PDX1: variants seen among roughly 807,000 people sequenced by gnomAD.
PDX1 encodes the protein pancreatic and duodenal homeobox 1.
A neutral mutation model predicts 11.1 loss-of-function variants in PDX1; 7 were observed. That is an observed-to-expected ratio of 0.63 (90% CI 0.36 to 1.19). The LOEUF is 1.19. Ranked by LOEUF, PDX1 falls within the 50% of genes most tolerant of loss-of-function variation. PDX1 has a pLI of 0.02. For synonymous variants in PDX1, 232 were observed against 196.2 expected, an observed-to-expected ratio of 1.18 and a Z score of -1.53; for missense variants, 449 against 412.1, an observed-to-expected ratio of 1.09 and a Z score of -0.78.
rs1425011726 is a variant in PDX1 at position 27,920,308 on chromosome 13, T to A, written c.170T>A (p.Leu57Gln). 1.4e-5 allele frequency: 22 copies of A among 1,539,048 alleles called. No individual in the cohort carries two copies. The highest frequency in any genetic ancestry group is 1.9e-5 in the Non-Finnish European group (22 of 1,142,298). ...CCGTTCCCTGGCGCCCTGGGCGCGC[T>A]GGAGCAGGGCAGCCCCCCGGACATC... ...PHPFPGALGALEQGSPPDISP... is the reference protein window; with the variant it reads ...PHPFPGALGAQEQGSPPDISP... Residue 57 changes from leucine to glutamine, a missense_variant, in exon 1 of 2, where the codon CTG becomes CAG. This residue lies in a region of PDX1 where 263 missense variants were observed against 212.5 expected (regional missense o/e 1.24). Coordinates refer to ENST00000381033, the MANE Select transcript of PDX1 (RefSeq NM_000209.4).
chr13:27,922,692 C>T (rs1026546753), intron 1 of PDX1, among the ~76,000 whole-genome samples: 3 of 152,158 alleles, frequency 2.0e-5, no homozygotes, highest in African/African-American at 7.2e-5. Context: ...AGCACAGGTC[C>T]CCCGGGAATA....
At chr13:27,921,740 C>G (rs2137503956) in intron 1 of PDX1, among the ~76,000 whole-genome samples, 1 of 152,306 alleles carries the variant, frequency 6.6e-6, no homozygotes, top group East Asian at 1.9e-4. Context: ...CCACGGGACT[C>G]TCTTCTTCCT....
chr13:27,920,208 C>CCGGCGCCGGAGTT lies in PDX1; in HGVS notation c.72_84dup (p.Ser29GlyfsTer200). 1 of 1,549,438 alleles carries CCGGCGCCGGAGTT rather than the reference C, an allele frequency of 6.5e-7. No homozygotes were observed. The highest frequency in any genetic ancestry group is 8.7e-7 in the Non-Finnish European group (1 of 1,146,502). ...GGACCCATGCGCGTTCCAGCGAGGCCCGGCGCCGGAGTTCAGCGCCAGCCC... is the reference window on the plus strand; with the variant it reads ...GGACCCATGCGCGTTCCAGCGAGGCCCGGCGCCGGAGTTCGGCGCCGGAGTTCAGCGCCAGCCC... On this transcript the variant is annotated frameshift_variant, in exon 1 of 2. Transcript: ENST00000381033. LOFTEE classifies it high-confidence loss of function.
In PDX1 at chr13:27,925,591, CTCT is replaced by C. The variant is rs932839795; in HGVS notation, c.*892_*894del. On this transcript the variant is annotated 3_prime_UTR_variant, in exon 2 of 2. Transcript: ENST00000381033. ...CTTCTTCTCCCTCCTCTTCCTCCTC[CTCT>C]TTCTTCCTGACCTCTTTCTTTCTCC... 1 of 198,444 alleles carries C rather than the reference CTCT, an allele frequency of 5.0e-6. No individual in the cohort carries two copies. The highest frequency in any genetic ancestry group is 2.4e-5 in the African/African-American group (1 of 41,990). 12.3% of individuals were successfully genotyped at this position (198,444 alleles called of 1,614,324 possible).
At chr13:27,922,320 G>T (rs1041901627) in intron 1 of PDX1, among the ~76,000 whole-genome samples, 4 of 152,112 alleles carry the variant, frequency 2.6e-5, no homozygotes, top group Admixed American at 1.3e-4. Flanking sequence ...CCTCTAACCC[G>T]CTGCATGCTC....
intron 1 of PDX1, among the ~76,000 whole-genome samples, chr13:27,921,423 C>G (rs372471555): frequency 6.6e-6 from 1 of 152,240 alleles, no homozygotes; most frequent in East Asian, 1.9e-4. Flanking sequence ...GGGTAGCCCC[C>G]GGGTCCTTTG....
Position 27,924,694 on chromosome 13 carries a change from C to A in PDX1, c.845C>A (p.Pro282Gln). 6.8e-7 allele frequency: 1 copy of A among 1,472,720 alleles called. No homozygotes were observed. Among genetic ancestry groups the A allele is most frequent in the South Asian group, 1.3e-5 (1 of 75,930 alleles). 91.2% of individuals were successfully genotyped at this position (1,472,720 alleles called of 1,614,324 possible). The change falls in exon 2 of 2, where the codon CCA becomes CAA. Residue 282 changes from proline (P) to glutamine (Q), a missense_variant. Physicochemically the swap from Pro to Gln is moderately conservative, Grantham distance 76. Coordinates refer to ENST00000381033, the MANE Select transcript of PDX1 (RefSeq NM_000209.4). The surrounding 1 kb of genome is among the most constrained non-coding windows in gnomAD (Gnocchi z 4.8). ...GTCGCGCCTCGGCGGCCGCAGGAAC[C>A]ACGATGAGAGGCAGGAGCTGCTCCT... ...SSVAPRRPQEPR is the reference protein window; with the variant it reads ...SSVAPRRPQEQR
Position 27,924,176 on chromosome 13 carries a change from C to G in PDX1, c.407-80C>G, listed in dbSNP as rs1288750968. ...CTGGTAGGGCTAGGGCTCCCTGGCC[C>G]CCCTTGAAGGGGTTGGGCTGCGTGG... On this transcript the variant is annotated intron_variant, in intron 1 of 1. Coordinates refer to ENST00000381033, the MANE Select transcript of PDX1 (RefSeq NM_000209.4). This position sits in a 1 kb window ranked among gnomAD's most constrained non-coding sequence, Gnocchi z 4.8. The G allele has an allele frequency of 1.6e-6, 2 of 1,265,840 alleles. No homozygotes were observed. The highest frequency in any genetic ancestry group is 5.3e-5 in the Admixed American group (2 of 37,522). The allele number at this position is 1,265,840 out of a possible 1,614,324, so 78.4% of individuals were successfully genotyped here. A position where few individuals can be genotyped will look rare whatever the true frequency, so the allele number is the denominator to read the frequency against.
rs766799672 is a variant in PDX1, at chr13:27,924,317, A to G, written c.468A>G (p.Ala156=). The change falls in exon 2 of 2, where the codon GCA becomes GCG. Residue 156 remains alanine, a synonymous_variant. Coordinates refer to ENST00000381033, the MANE Select transcript of PDX1 (RefSeq NM_000209.4). This position sits in a 1 kb window ranked among gnomAD's most constrained non-coding sequence, Gnocchi z 4.8. ...NKRTRTAYTR[A]QLLELEKEFL... Reference sequence around the variant, plus strand: ...GGACGCGCACGGCCTACACGCGCGCACAGCTGCTAGAGCTGGAGAAGGAGT... The same window carrying G: ...GGACGCGCACGGCCTACACGCGCGCGCAGCTGCTAGAGCTGGAGAAGGAGT... 6.2e-6 allele frequency: 10 copies of G among 1,611,986 alleles called. No homozygotes were observed. The African/African-American group carries it at 1.2e-4, about 19-fold the overall frequency.
At position 27,925,645 on chromosome 13, in the gene PDX1, C is replaced by T. The variant is rs936580078; in HGVS notation, c.*944C>T. ...TCCTCCTCCTTCTACCTCCCCTTCT[C>T]ATCCCTCCTCTTCCTCTTCTCTAGC... On this transcript the variant is annotated 3_prime_UTR_variant, in exon 2 of 2. Coordinates refer to ENST00000381033, the MANE Select transcript of PDX1 (RefSeq NM_000209.4). 6 of 195,026 alleles carry T rather than the reference C, an allele frequency of 3.1e-5. No individual in the cohort carries two copies. In the South Asian group the frequency reaches 5.2e-4, roughly 17 times the overall value. 12.1% of individuals were successfully genotyped at this position (195,026 alleles called of 1,614,324 possible).
rs1957772368 is a variant in PDX1, at chr13:27,920,238, G to A, written c.100G>A (p.Ala34Thr). 1 of 1,548,132 alleles carries A rather than the reference G, an allele frequency of 6.5e-7. No individual in the cohort carries two copies. Among genetic ancestry groups the A allele is most frequent in the African/African-American group, 1.4e-5 (1 of 72,886 alleles). ...GCCGGAGTTCAGCGCCAGCCCCCCT[G>A]CGTGCCTGTACATGGGCCGCCAGCC... is the stretch of plus-strand genomic sequence containing the variant. ...PAPEFSASPP[A>T]CLYMGRQPPP... The change falls in exon 1 of 2, where the codon GCG becomes ACG. Residue 34 changes from alanine (A) to threonine (T), a missense_variant. Physicochemically the swap from Ala to Thr is moderately conservative, Grantham distance 58. This residue lies in a region of PDX1 where 263 missense variants were observed against 212.5 expected (regional missense o/e 1.24). Transcript: ENST00000381033.
Position 27,920,380 on chromosome 13 carries a change from A to C in PDX1, c.242A>C (p.His81Pro). The C allele has an allele frequency of 6.5e-7, 1 of 1,547,184 alleles. No individual in the cohort carries two copies. The highest frequency in any genetic ancestry group is 8.7e-7 in the Non-Finnish European group (1 of 1,146,060). ...CTCGCCGACGACCCCGCGGTGGCGC[A>C]CCTTCACCACCACCTCCCGGCTCAG... ...PPLADDPAVA[H>P]LHHHLPAQLA... The change falls in exon 1 of 2, where the codon CAC (histidine) becomes CCC (proline). Residue 81 changes from histidine (H) to proline (P), a missense_variant. His to Pro is a moderately conservative substitution (Grantham distance 77). Transcript: ENST00000381033.
Position 27,920,275 on chromosome 13 carries a change from C to A in PDX1, c.137C>A (p.Pro46Gln). 6.5e-7 allele frequency: 1 copy of A among 1,540,956 alleles called. No homozygotes were observed. Among genetic ancestry groups the A allele is most frequent in the Non-Finnish European group, 8.7e-7 (1 of 1,143,098 alleles). Residue 46 changes from proline (P) to glutamine (Q), a missense_variant, in exon 1 of 2, where the codon CCG becomes CAG. Pro to Gln is a moderately conservative substitution (Grantham distance 76). Transcript: ENST00000381033. ...ATGGGCCGCCAGCCCCCGCCGCCGC[C>A]GCCGCACCCGTTCCCTGGCGCCCTG... ...LYMGRQPPPPPPHPFPGALGA... is the reference protein window; with the variant it reads ...LYMGRQPPPPQPHPFPGALGA...
chr13:27,923,810 T>A (rs1779904841), intron 1 of PDX1, among the ~76,000 whole-genome samples: 1 of 152,242 alleles, frequency 6.6e-6, no homozygotes, highest in African/African-American at 2.4e-5. Flanking sequence ...TACACAACGA[T>A]CCGAAATGTA....
rs1957815339 is a variant in PDX1, at chr13:27,925,084, A to G, written c.*383A>G. ...TGGAAACTGTACCATACACATTGGA[A>G]GGCTCCCTAACACACACAGCGGGGA... On this transcript the variant is annotated 3_prime_UTR_variant, in exon 2 of 2. Coordinates refer to ENST00000381033, the MANE Select transcript of PDX1 (RefSeq NM_000209.4). 2 of 247,200 alleles carry G rather than the reference A, an allele frequency of 8.1e-6. No individual in the cohort carries two copies. Among genetic ancestry groups the G allele is most frequent in the East Asian group, 1.8e-4 (2 of 11,246 alleles). 15.3% of individuals were successfully genotyped at this position (247,200 alleles called of 1,614,324 possible).
chr13:27,924,724 G>A lies in PDX1; in HGVS notation c.*23G>A. The A allele has an allele frequency of 6.8e-7, 1 of 1,460,378 alleles. No homozygotes were observed. Among genetic ancestry groups the A allele is most frequent in the Non-Finnish European group, 9.0e-7 (1 of 1,110,364 alleles). The allele number at this position is 1,460,378 out of a possible 1,614,324, so 90.5% of individuals were successfully genotyped here. ...TGAGAGGCAGGAGCTGCTCCTGGCT[G>A]AGGGGCTTCAACCACTCGCCGAGGA... On this transcript the variant is annotated 3_prime_UTR_variant, in exon 2 of 2. Coordinates refer to ENST00000381033, the MANE Select transcript of PDX1 (RefSeq NM_000209.4). This position sits in a 1 kb window ranked among gnomAD's most constrained non-coding sequence, Gnocchi z 4.8.
intron 1 of PDX1, among the ~76,000 whole-genome samples, chr13:27,922,728 A>C (rs529350951): frequency 6.6e-6 from 1 of 152,290 alleles, no homozygotes; most frequent in South Asian, 2.1e-4. Context: ...TCTCTCCCTG[A>C]GCAGTCTCTC....
rs1221277076 is a variant in PDX1 at position 27,924,290 on chromosome 13, G to A, written c.441G>A (p.Lys147=). The change falls in exon 2 of 2, where the codon AAG becomes AAA. Residue 147 remains lysine (K), a synonymous_variant. Transcript: ENST00000381033. This position sits in a 1 kb window ranked among gnomAD's most constrained non-coding sequence, Gnocchi z 4.8. ...GAYAAEPEEN[K]RTRTAYTRAQ... Reference sequence around the variant, plus strand: ...ACGCTGCGGAGCCGGAGGAGAACAAGCGGACGCGCACGGCCTACACGCGCG... The same window carrying A: ...ACGCTGCGGAGCCGGAGGAGAACAAACGGACGCGCACGGCCTACACGCGCG... 1 of 1,609,582 alleles carries A rather than the reference G, an allele frequency of 6.2e-7. No homozygotes were observed. Among genetic ancestry groups the A allele is most frequent in the Non-Finnish European group, 8.5e-7 (1 of 1,178,090 alleles).
rs771445149 is a variant in PDX1 at position 27,924,475 on chromosome 13, G to A, written c.626G>A (p.Arg209His). The change falls in exon 2 of 2, where the codon CGC becomes CAC. Residue 209 changes from arginine to histidine, a missense_variant. Around this residue, in one of 3 missense-constraint regions of PDX1, gnomAD observed 139 missense variants for 121.4 expected, o/e 1.14. Transcript: ENST00000381033. The surrounding 1 kb of genome is among the most constrained non-coding windows in gnomAD (Gnocchi z 4.8). ...MKWKKEEDKK[R>H]GGGTAVGGGG... The stretch of plus-strand genomic sequence containing the variant: ...TGGAAAAAGGAGGAGGACAAGAAGC[G>A]CGGCGGCGGGACAGCTGTCGGGGGT... 1 of 1,612,800 alleles carries A rather than the reference G, an allele frequency of 6.2e-7. No homozygotes were observed. Among genetic ancestry groups the A allele is most frequent in the African/African-American group, 1.3e-5 (1 of 74,880 alleles).
Sources: gnomAD v4.1 joint callset for allele counts (sites outside exome capture counted in the v4.1 genomes callset) on GRCh38, gnomAD v4.1.1 for gene constraint, gnomAD v4.1.1 regional missense constraint, Gnocchi (gnomAD v3.1) non-coding constraint, MANE v1.5 for transcripts, NCBI Gene and HGNC (gene_info 2026-07-23, HGNC 2026-07-21) for gene names.